Variants in SETD5 observed in about 807,000 individuals in gnomAD.
The protein encoded by SETD5 is histone-lysine N-methyltransferase SETD5.
In SETD5, 44 loss-of-function variants were observed where a neutral mutation model predicts 153.3. That is an observed-to-expected ratio of 0.29 (90% CI 0.23 to 0.37). The LOEUF is 0.37. Among genes scored for constraint, SETD5 ranks in the 10% least tolerant of loss-of-function variants. SETD5 has a pLI of 1.00. For synonymous variants in SETD5, 716 were observed against 645.2 expected, an observed-to-expected ratio of 1.11 and a Z score of -1.66; for missense variants, 1,544 against 1,768.0, an observed-to-expected ratio of 0.87 and a Z score of 2.27.
intron 1 of SETD5, among the ~76,000 whole-genome samples, chr3:9,409,762 T>C (rs375961648): frequency 2.0e-4 from 30 of 152,348 alleles, no homozygotes; most frequent in African/African-American, 6.7e-4. Context: ...TATTTCTTTT[T>C]AAAAATATCA....
intron 17 of SETD5, among the ~76,000 whole-genome samples, chr3:9,455,145 G>A (rs1395952031): frequency 7.1e-6 from 1 of 141,658 alleles, no homozygotes; most frequent in Non-Finnish European, 1.5e-5. Flanking sequence ...CAGAAAACGT[G>A]AATTGCCTTT....
intron 1 of SETD5, among the ~76,000 whole-genome samples, chr3:9,420,718 A>G (rs1377425820): frequency 5.3e-5 from 8 of 152,148 alleles, no homozygotes; most frequent in Non-Finnish European, 1.2e-4. Context: ...GCCTAATTTT[A>G]CTGTTCCAAA....
At chr3:9,409,286 A>AACT (rs2036196619) in intron 1 of SETD5, among the ~76,000 whole-genome samples, 1 of 152,186 alleles carries the variant, frequency 6.6e-6, no homozygotes, top group Admixed American at 6.5e-5. Context: ...CTATACTAAG[A>AACT]TAGTTTATAT....
At chr3:9,407,873 G>A (rs1468354160) in intron 1 of SETD5, among the ~76,000 whole-genome samples, 1 of 152,068 alleles carries the variant, frequency 6.6e-6, no homozygotes, top group Non-Finnish European at 1.5e-5. Context: ...GGTGGCGCAT[G>A]CCTATAATCC....
chr3:9,441,312 CTTTAT>C (rs1391971306), intron 8 of SETD5, among the ~76,000 whole-genome samples: 1 of 148,410 alleles, frequency 6.7e-6, no homozygotes, highest in African/African-American at 2.5e-5. Context: ...TCTTTCTCAT[CTTTAT>C]TTTAGAGATA....
chr3:9,475,560 T>C lies in SETD5; in HGVS notation c.3798T>C (p.Pro1266=), dbSNP rs2045773411. ...GTTCCTCCCCCTTCAGAGGACATCC[T>C]ACACAGTCTCCAGGATACAGTTATC... is the stretch of plus-strand genomic sequence containing the variant. ...QQSSSPFRGH[P]TQSPGYSYRT... Residue 1266 remains proline (P), a synonymous_variant, in exon 23 of 23, where the codon CCT becomes CCC. Transcript: ENST00000402198. 1 of 1,613,904 alleles carries C rather than the reference T, an allele frequency of 6.2e-7. No individual in the cohort carries two copies.
intron 18 of SETD5, among the ~76,000 whole-genome samples, chr3:9,469,354 A>G (rs764594353): frequency 6.6e-6 from 1 of 152,242 alleles, no homozygotes; most frequent in Non-Finnish European, 1.5e-5. Context: ...CTCTGAATCT[A>G]TTAATACATG....
intron 7 of SETD5, among the ~76,000 whole-genome samples, chr3:9,439,545 AC>A (rs1484605931): frequency 6.6e-6 from 1 of 152,152 alleles, no homozygotes; most frequent in African/African-American, 2.4e-5. Flanking sequence ...TGACATCATC[AC>A]TGTCAGTGTT....
intron 16 of SETD5, among the ~76,000 whole-genome samples, chr3:9,453,334 T>C (rs1036824034): frequency 1.3e-5 from 2 of 152,182 alleles, no homozygotes; most frequent in African/African-American, 4.8e-5. Flanking sequence ...GGCAGACAAC[T>C]TTTAAGAGAT....
intron 17 of SETD5, among the ~76,000 whole-genome samples, chr3:9,463,547 A>G (rs1234510682): frequency 6.6e-6 from 1 of 152,238 alleles, no homozygotes; most frequent in Non-Finnish European, 1.5e-5. Context: ...AGTGGATCTA[A>G]GAAGTACAGA....
chr3:9,443,264 TC>T, intron 10 of SETD5, 43 bp from the exon 11 acceptor site: 1 of 1,410,100 alleles, frequency 7.1e-7, no homozygotes, highest in Non-Finnish European at 9.8e-7. Context: ...TACGGAAAGT[TC>T]ATGGTCTTTA....
chr3:9,421,702 T>A (rs2038434615), intron 1 of SETD5, among the ~76,000 whole-genome samples: 1 of 152,236 alleles, frequency 6.6e-6, no homozygotes, highest in Non-Finnish European at 1.5e-5. Context: ...ATTGGATTTT[T>A]AAAAACTTAT....
intron 1 of SETD5, among the ~76,000 whole-genome samples, chr3:9,400,420 A>G (rs1208363556): frequency 6.6e-6 from 1 of 152,198 alleles, no homozygotes; most frequent in Non-Finnish European, 1.5e-5. Flanking sequence ...CTCACATATC[A>G]TGCCTTCCTC....
chr3:9,406,482 C>T (rs2035689616), intron 1 of SETD5, among the ~76,000 whole-genome samples: 1 of 152,158 alleles, frequency 6.6e-6, no homozygotes. Context: ...GTGGCTCACG[C>T]CTGTAATCCC....
intron 11 of SETD5, 25 bp downstream of exon 11, chr3:9,443,442 A>G (rs1388738778): frequency 4.8e-6 from 6 of 1,239,858 alleles, no homozygotes; most frequent in Non-Finnish European, 6.4e-6. Flanking sequence ...ACCTTTCCTA[A>G]CAGGAATATC....
At chr3:9,431,718 G>C in intron 3 of SETD5, 1 of 985,618 alleles carries the variant, frequency 1.0e-6, no homozygotes, top group South Asian at 4.7e-5. Flanking sequence ...ACTTGCACAT[G>C]AAGTGCATAT....
chr3:9,459,263 G>C (rs79364135), intron 17 of SETD5, among the ~76,000 whole-genome samples: 10,428 of 152,082 alleles, frequency 0.069, 529 homozygotes, highest in Admixed American at 0.12. Context: ...AAAACTATAG[G>C]TTAAAAATAA....
chr3:9,403,454 A>T (rs1002314543), intron 1 of SETD5, among the ~76,000 whole-genome samples: 2 of 152,204 alleles, frequency 1.3e-5, no homozygotes, highest in Non-Finnish European at 2.9e-5. Flanking sequence ...GGACCTGAAC[A>T]TGTAGAATAA....
Position 9,428,867 on chromosome 3 carries a change from C to T in SETD5, c.-72C>T. On this transcript the variant is annotated 5_prime_UTR_variant, in exon 3 of 23. Coordinates refer to ENST00000402198, the MANE Select transcript of SETD5 (RefSeq NM_001080517.3). ...ATGTTGGATGAGGCTCTGCAGCTCA[C>T]CCCCACTCTCAGAGTGGTCAGTCTC... is the stretch of plus-strand genomic sequence containing the variant. 2 of 1,080,458 alleles carry T rather than the reference C, an allele frequency of 1.9e-6. No homozygotes were observed. Among genetic ancestry groups the T allele is most frequent in the Non-Finnish European group, 1.4e-6 (1 of 721,744 alleles). 66.9% of individuals were successfully genotyped at this position (1,080,458 alleles called of 1,614,324 possible). A position where few individuals can be genotyped will look rare whatever the true frequency, so the allele number is the denominator to read the frequency against.
Sources: gnomAD v4.1 joint callset for allele counts (sites outside exome capture counted in the v4.1 genomes callset) on GRCh38, gnomAD v4.1.1 for gene constraint, MANE v1.5 for transcripts, NCBI Gene and HGNC (gene_info 2026-07-23, HGNC 2026-07-21) for gene names.